The following COA1 variants were observed in gnomAD, a reference collection of about 807,000 sequenced individuals.
COA1 encodes the protein cytochrome c oxidase assembly factor 1, also known as cytochrome c oxidase assembly factor 1 homolog.
In COA1, 13 loss-of-function variants were observed where a neutral mutation model predicts 16.0. That is an observed-to-expected ratio of 0.81 (90% CI 0.53 to 1.29). The LOEUF is 1.29. Among genes scored for constraint, COA1 ranks in the 50% most tolerant of loss-of-function variants. The pLI, the probability that COA1 is intolerant of heterozygous loss-of-function variation, is 0.00. For synonymous variants in COA1, 65 were observed against 65.7 expected (o/e 0.99, Z 0.05); for missense variants, 179 against 177.0 (o/e 1.01, Z -0.06).
At chr7:43,688,351 T>TA (rs11334124) in intron 1 of COA1, among the ~76,000 whole-genome samples, 22,071 of 152,148 alleles carry the variant, frequency 0.15, 2,169 homozygotes, top group Non-Finnish European at 0.21. Context: ...ATTTTTATGA[T>TA]AAAAAAACTT....
chr7:43,697,801 G>A (rs2094577177), intron 1 of COA1, among the ~76,000 whole-genome samples: 2 of 152,194 alleles, frequency 1.3e-5, no homozygotes, highest in South Asian at 4.1e-4. Context: ...TTAATCATCT[G>A]TAAACATTCC....
intron 1 of COA1, among the ~76,000 whole-genome samples, chr7:43,722,600 A>G (rs1170572124): frequency 1.3e-5 from 2 of 148,814 alleles, no homozygotes; most frequent in African/African-American, 5.0e-5. Context: ...ACGGGGTTTC[A>G]CCATGTTGGC....
intron 1 of COA1, among the ~76,000 whole-genome samples, chr7:43,677,804 A>T (rs2093604975): frequency 1.1e-5 from 1 of 89,206 alleles, no homozygotes. Flanking sequence ...CTGTCTTAAA[A>T]AAAAAAAAAA....
At chr7:43,678,949 C>T (rs1351330882) in intron 1 of COA1, among the ~76,000 whole-genome samples, 1 of 152,156 alleles carries the variant, frequency 6.6e-6, no homozygotes. Context: ...ACCAATTCCA[C>T]CTTTAAGTCA....
chr7:43,672,488 C>A (rs1030082974), intron 1 of COA1, among the ~76,000 whole-genome samples: 26 of 152,146 alleles, frequency 1.7e-4, no homozygotes, highest in African/African-American at 6.0e-4. Context: ...AAACCCTCAA[C>A]AGGCCAGGCA....
chr7:43,674,002 G>C (rs527596578), intron 1 of COA1, among the ~76,000 whole-genome samples: 17 of 152,190 alleles, frequency 1.1e-4, no homozygotes, highest in Admixed American at 9.2e-4. Flanking sequence ...TAAAGGTGGA[G>C]GGAGGGAGGG....
intron 1 of COA1, among the ~76,000 whole-genome samples, chr7:43,664,130 A>AGAGAGAGT (rs1307866265): frequency 4.6e-4 from 68 of 148,618 alleles, no homozygotes; most frequent in African/African-American, 1.6e-3. Context: ...AGAGAGAGAG[A>AGAGAGAGT]GTCTTGCTAT....
chr7:43,646,684 G>C, intron 3 of COA1: 1 of 453,178 alleles, frequency 2.2e-6, no homozygotes, highest in South Asian at 1.6e-5. Context: ...GGGAAGAGGA[G>C]GCCAAATTAT....
chr7:43,674,828 CA>C (rs139942426), intron 1 of COA1, among the ~76,000 whole-genome samples: 2 of 152,170 alleles, frequency 1.3e-5, no homozygotes. Context: ...TTATTCAAAC[CA>C]ACTCTGTCCT....
At chr7:43,657,956 C>T (rs888474602) in intron 1 of COA1, among the ~76,000 whole-genome samples, 1 of 152,000 alleles carries the variant, frequency 6.6e-6, no homozygotes, top group Non-Finnish European at 1.5e-5. Flanking sequence ...CAACGAGAGG[C>T]GGAGGTTGCA....
intron 1 of COA1, among the ~76,000 whole-genome samples, chr7:43,698,506 C>T (rs1352842751): frequency 6.6e-6 from 1 of 152,144 alleles, no homozygotes; most frequent in Non-Finnish European, 1.5e-5. Flanking sequence ...GAAAACTTGT[C>T]ATCCACTAAT....
intron 4 of COA1, chr7:43,641,685 A>C (rs1037664320): frequency 7.2e-5 from 11 of 152,190 alleles, no homozygotes; most frequent in African/African-American, 2.4e-4. Flanking sequence ...CAGAGTTCTC[A>C]GTTTCTCCTT....
rs546362245 is a variant in COA1, at chr7:43,715,992, A to G, written c.-39+13437T>C. Among the ~76,000 whole-genome samples the G allele has an allele frequency of 1.9e-4, 29 of 152,330 alleles. No individual in the cohort carries two copies. In the South Asian group the frequency reaches 5.8e-3, roughly 30 times the overall value. On this transcript the variant is annotated intron_variant, in intron 1 of 5. Transcript: ENST00000223336. ...TTGCCTGCTGCCATCCATGTAAGAT[A>G]GGACTTGCTCCTCCTTGCCTTCTGC... is the stretch of plus-strand genomic sequence containing the variant.
At chr7:43,638,084 CA>C (rs1255990552), downstream of COA1, among the ~76,000 whole-genome samples, 1 of 152,082 alleles carries the variant, frequency 6.6e-6, no homozygotes, top group Admixed American at 6.5e-5. Context: ...AACACACTGA[CA>C]AAAGTGCTCT....
At chr7:43,635,673 C>T (rs1195545897), downstream of COA1, among the ~76,000 whole-genome samples, 4 of 145,944 alleles carry the variant, frequency 2.7e-5, no homozygotes, top group East Asian at 1.9e-4. Flanking sequence ...CAACCTATTT[C>T]GTGAAAAATA....
chr7:43,646,826 T>C, intron 3 of COA1: 1 of 282,196 alleles, frequency 3.5e-6, no homozygotes, highest in East Asian at 8.4e-5. Context: ...CTGGTGACAC[T>C]CACATCCTGG....
intron 1 of COA1, among the ~76,000 whole-genome samples, chr7:43,688,984 AAAG>A (rs955339228): frequency 1.4e-4 from 22 of 152,206 alleles, no homozygotes; most frequent in African/African-American, 4.8e-4. Context: ...ATCACACAAA[AAAG>A]AAGAAAAGGG....
chr7:43,652,373 C>A (rs1358959587), intron 1 of COA1, among the ~76,000 whole-genome samples: 1 of 152,120 alleles, frequency 6.6e-6, no homozygotes, highest in Non-Finnish European at 1.5e-5. Flanking sequence ...AGGCACCATG[C>A]AAGATGTTTG....
intron 1 of COA1, among the ~76,000 whole-genome samples, chr7:43,651,553 G>C (rs2090775317): frequency 6.6e-6 from 1 of 152,136 alleles, no homozygotes; most frequent in Non-Finnish European, 1.5e-5. Context: ...GCCAGGACCA[G>C]AGGAAGCATC....
Sources: gnomAD v4.1 joint callset for allele counts (sites outside exome capture counted in the v4.1 genomes callset) on GRCh38, gnomAD v4.1.1 for gene constraint, MANE v1.5 for transcripts, NCBI Gene and HGNC (gene_info 2026-07-23, HGNC 2026-07-21) for gene names.